The following LMBR1L variants were observed in gnomAD, a reference collection of about 807,000 sequenced individuals.
The protein encoded by LMBR1L is protein LMBR1L.
LMBR1L carries 47 observed loss-of-function variants against 67.3 expected under a neutral mutation model. The ratio of observed to expected loss-of-function variants is 0.70; its 90% confidence interval spans 0.55 to 0.89. LMBR1L has a LOEUF of 0.89. Ranked by LOEUF, LMBR1L falls within the 40% of genes least tolerant of loss-of-function variation. LMBR1L has a pLI of 0.00. For missense variants in LMBR1L, 533 were observed against 599.2 expected (o/e 0.89, Z 1.15); for synonymous variants, 247 against 250.3 (o/e 0.99, Z 0.13).
intron 13 of LMBR1L, 83 bp from the exon 14 acceptor site, chr12:49,100,729 C>CTT: frequency 9.6e-7 from 1 of 1,043,488 alleles, no homozygotes; most frequent in African/African-American, 1.7e-5. Context: ...TCCCAGCCCA[C>CTT]TTCTTTTTTT....
At position 49,098,417 on chromosome 12, in the gene LMBR1L, A is replaced by G. The variant is rs559078358; in HGVS notation, c.1241-312T>C. Among the ~76,000 whole-genome samples, 16 of 152,222 alleles carry G rather than the reference A, an allele frequency of 1.1e-4. No homozygotes were observed. The South Asian group carries it at 3.1e-3, about 30-fold the overall frequency. ...TGGGCCTGGAATAAGCAGTTTGCCAAGTTTTTTTTAGTAGACAGAACAGTG... is the reference window on the plus strand; with the variant it reads ...TGGGCCTGGAATAAGCAGTTTGCCAGGTTTTTTTTAGTAGACAGAACAGTG... On this transcript the variant is annotated intron_variant, in intron 15 of 16. Transcript: ENST00000267102.
intron 2 of LMBR1L, chr12:49,106,710 T>C: frequency 4.0e-6 from 4 of 1,009,692 alleles, no homozygotes; most frequent in Non-Finnish European, 5.9e-6. Flanking sequence ...CACAATGGAG[T>C]AGGTAGACAT....
rs758828358 is a variant in LMBR1L at position 49,102,188 on chromosome 12, G to A, written c.862C>T (p.Arg288Trp). The A allele has an allele frequency of 6.2e-6, 10 of 1,614,008 alleles. No individual in the cohort carries two copies. The highest frequency in any genetic ancestry group is 5.5e-5 in the South Asian group (5 of 91,088). ...TTCCGTTGCCAGGCTGAAGCCTTCCGCCTCTTCTCTGTGCAGGGATGGGAG... is the reference window on the plus strand; with the variant it reads ...TTCCGTTGCCAGGCTGAAGCCTTCCACCTCTTCTCTGTGCAGGGATGGGAG... ...QTQRVLLEKRRKASAWQRNLG... is the reference protein window; with the variant it reads ...QTQRVLLEKRWKASAWQRNLG... Residue 288 changes from arginine (R) to tryptophan (W), a missense_variant, in exon 11 of 17, where the codon CGG (arginine) becomes TGG (tryptophan). Arg to Trp is a moderately radical substitution (Grantham distance 101). Coordinates refer to ENST00000267102, the MANE Select transcript of LMBR1L (RefSeq NM_018113.4).
At chr12:49,107,251 C>G (rs568343629) in intron 1 of LMBR1L, among the ~76,000 whole-genome samples, 1 of 152,342 alleles carries the variant, frequency 6.6e-6, no homozygotes, top group African/African-American at 2.4e-5. Context: ...AAGGGCCAGA[C>G]AGGGGCTGCC....
intron 15 of LMBR1L, among the ~76,000 whole-genome samples, chr12:49,098,958 A>T (rs531932080): frequency 2.0e-5 from 3 of 151,190 alleles, no homozygotes; most frequent in Admixed American, 6.6e-5. Context: ...CTAGGACTAT[A>T]GGTGTGCTAA....
chr12:49,106,515 G>C, intron 2 of LMBR1L: 2 of 1,204,120 alleles, frequency 1.7e-6, no homozygotes, highest in South Asian at 1.3e-5. Context: ...GCATACTCAG[G>C]CTCCCCATAA....
chr12:49,100,687 T>G (rs1940049020), intron 13 of LMBR1L, 41 bp from the exon 14 acceptor site: 1 of 1,430,510 alleles, frequency 7.0e-7, no homozygotes, highest in Admixed American at 1.8e-5. Flanking sequence ...CTCCAAGAAT[T>G]AATAACTCAT....
chr12:49,106,888 ACCAT>A, intron 2 of LMBR1L, 69 bp downstream of exon 2: 1 of 1,202,764 alleles, frequency 8.3e-7, no homozygotes, highest in East Asian at 2.3e-5. Flanking sequence ...CCCAGTGGGT[ACCAT>A]AGGCCCATTC....
Position 49,100,545 on chromosome 12 carries a change from C to A in LMBR1L, c.1173+11G>T. 1 of 1,613,836 alleles carries A rather than the reference C, an allele frequency of 6.2e-7. No homozygotes were observed. Among genetic ancestry groups the A allele is most frequent in the Non-Finnish European group, 8.5e-7 (1 of 1,179,742 alleles). On this transcript the variant is annotated intron_variant, in intron 14 of 16. Coordinates refer to ENST00000267102, the MANE Select transcript of LMBR1L (RefSeq NM_018113.4). The stretch of plus-strand genomic sequence containing the variant: ...ACCCCCCGGGAGCTTCCCTTACTCC[C>A]TCCCAGCTACCTGCGTCATGGCAGT...
chr12:49,107,802 G>T (rs1220042683), intron 1 of LMBR1L, among the ~76,000 whole-genome samples: 1 of 152,176 alleles, frequency 6.6e-6, no homozygotes, highest in Non-Finnish European at 1.5e-5. Flanking sequence ...CCCAGAGGAG[G>T]AGCCATTGGC....
At chr12:49,101,445 G>A in intron 12 of LMBR1L, 27 bp downstream of exon 12, 1 of 1,611,378 alleles carries the variant, frequency 6.2e-7, no homozygotes, top group Non-Finnish European at 8.5e-7. Context: ...CCTCCCCAAA[G>A]GATATGGTGG....
At chr12:49,103,181 A>G (rs1208263169) in intron 6 of LMBR1L, 22 bp from the exon 7 acceptor site, 1 of 1,598,966 alleles carries the variant, frequency 6.3e-7, no homozygotes, top group Non-Finnish European at 8.6e-7. Context: ...AAAAAGAGGC[A>G]TGTCAGCTCA....
At chr12:49,102,401 C>T (rs1940317661) in intron 9 of LMBR1L, 25 bp from the exon 10 acceptor site, 1 of 1,613,704 alleles carries the variant, frequency 6.2e-7, no homozygotes, top group Non-Finnish European at 8.5e-7. Context: ...GATGGTGTTG[C>T]TCTCAAGTCC....
Position 49,097,309 on chromosome 12 carries a change from T to C in LMBR1L, c.*363A>G, listed in dbSNP as rs1249966091. 1 of 248,172 alleles carries C rather than the reference T, an allele frequency of 4.0e-6. No individual in the cohort carries two copies. Among genetic ancestry groups the C allele is most frequent in the Non-Finnish European group, 8.2e-6 (1 of 122,044 alleles). The allele number at this position is 248,172 out of a possible 1,614,324, so 15.4% of individuals were successfully genotyped here. On this transcript the variant is annotated 3_prime_UTR_variant, in exon 17 of 17. Transcript: ENST00000267102. The stretch of plus-strand genomic sequence containing the variant: ...GACAATCTATCTCCCGAGCCTGCCC[T>C]GGCCCAGTCCTTTCCCTGCCCCTAC...
rs1939638237 is a variant in LMBR1L at position 49,098,103 on chromosome 12, GC to G, written c.1242del (p.Leu415SerfsTer38). ...SALPVFSRTL[G>X]LTRFDLLGDF... ...TCACCCAGCAGGTCAAAGCGAGTGA[GC>G]CCTGAAGCACAAAGGCCAGGATGAG... is the stretch of plus-strand genomic sequence containing the variant. On this transcript the variant is annotated frameshift_variant and splice_region_variant, in exon 16 of 17. Coordinates refer to ENST00000267102, the MANE Select transcript of LMBR1L (RefSeq NM_018113.4). LOFTEE classifies it high-confidence loss of function. 6.2e-7 allele frequency: 1 copy of G among 1,612,364 alleles called. No individual in the cohort carries two copies. Among genetic ancestry groups the G allele is most frequent in the African/African-American group, 1.3e-5 (1 of 74,908 alleles).
In LMBR1L at chr12:49,100,560, G is replaced by A. The variant is rs377091515; in HGVS notation, c.1169C>T (p.Thr390Met). Reference sequence around the variant, plus strand: ...CCCTTACTCCCTCCCAGCTACCTGCGTCATGGCAGTGTCGTGCCATCTGGG... The same window carrying A: ...CCCTTACTCCCTCCCAGCTACCTGCATCATGGCAGTGTCGTGCCATCTGGG... ...LRPRWHDTAMTQIIGNCVCLL... is the reference protein window; with the variant it reads ...LRPRWHDTAMMQIIGNCVCLL... The change falls in exon 14 of 17, where the codon ACG becomes ATG. Residue 390 changes from threonine to methionine, a missense_variant. Physicochemically the swap from Thr to Met is moderately conservative, Grantham distance 81 (BLOSUM62 -1). Coordinates refer to ENST00000267102, the MANE Select transcript of LMBR1L (RefSeq NM_018113.4). 4.2e-5 allele frequency: 68 copies of A among 1,613,922 alleles called. No homozygotes were observed. The East Asian group carries it at 9.1e-4, about 22-fold the overall frequency.
In LMBR1L at chr12:49,105,931, T is replaced by C. The variant is rs1189058593; in HGVS notation, c.184A>G (p.Lys62Glu). 12 of 1,612,866 alleles carry C rather than the reference T, an allele frequency of 7.4e-6. No homozygotes were observed. Among genetic ancestry groups the C allele is most frequent in the Non-Finnish European group, 1.0e-5 (12 of 1,179,586 alleles). The part of the protein sequence containing the change: ...TVDDEDATVN[K>E]IALELCTFTL... ...TGAGGCAGGGACACTTACGCAATCTTGTTGACGGTGGCATCTTCATCATCC... is the reference window on the plus strand; with the variant it reads ...TGAGGCAGGGACACTTACGCAATCTCGTTGACGGTGGCATCTTCATCATCC... Residue 62 changes from lysine (K) to glutamate (E), a missense_variant, in exon 3 of 17, where the codon AAG (lysine) becomes GAG (glutamate). Coordinates refer to ENST00000267102, the MANE Select transcript of LMBR1L (RefSeq NM_018113.4).
Position 49,102,158 on chromosome 12 carries a change from C to T in LMBR1L, c.892G>A (p.Gly298Ser). Residue 298 changes from glycine to serine, a missense_variant, in exon 11 of 17, where the codon GGC becomes AGC. Transcript: ENST00000267102. ...RKASAWQRNLGYPLAMLCLLV... is the reference protein window; with the variant it reads ...RKASAWQRNLSYPLAMLCLLV... ...AAGCACAGCATAGCCAGGGGGTAGC[C>T]CAGGTTCCGTTGCCAGGCTGAAGCC... is the stretch of plus-strand genomic sequence containing the variant. 6.2e-7 allele frequency: 1 copy of T among 1,614,178 alleles called. No individual in the cohort carries two copies. Among genetic ancestry groups the T allele is most frequent in the Non-Finnish European group, 8.5e-7 (1 of 1,180,036 alleles).
intron 5 of LMBR1L, 29 bp from the exon 6 acceptor site, chr12:49,103,842 G>A (rs200946360): frequency 6.3e-6 from 10 of 1,596,158 alleles, no homozygotes; most frequent in East Asian, 2.2e-5. Flanking sequence ...AGTGAAGAAG[G>A]TTAACATCAG....
Sources: allele counts gnomAD v4.1 joint callset (sites outside exome capture counted in the v4.1 genomes callset), GRCh38; gene constraint gnomAD v4.1.1; transcripts MANE v1.5; gene names NCBI Gene and HGNC (gene_info 2026-07-23, HGNC 2026-07-21).